PLXNA4: variants seen among roughly 807,000 people sequenced by gnomAD.
The protein encoded by PLXNA4 is plexin-A4.
A neutral mutation model predicts 191.8 loss-of-function variants in PLXNA4; 44 were observed. The ratio of observed to expected loss-of-function variants is 0.23; its 90% CI spans 0.18 to 0.29. The LOEUF (loss-of-function observed/expected upper bound fraction) is 0.29. Ranked by LOEUF, PLXNA4 falls within the 10% of genes least tolerant of loss-of-function variation. The pLI is 1.00. For synonymous variants in PLXNA4, 1,082 were observed against 1,009.5 expected, an observed-to-expected ratio of 1.07 and a Z score of -1.36; for missense variants, 1,800 against 2,488.8, an observed-to-expected ratio of 0.72 and a Z score of 5.89.
At chr7:132,268,466 G>A (rs535551475) in intron 4 of PLXNA4, among the ~76,000 whole-genome samples, 147 of 152,268 alleles carry the variant, frequency 9.7e-4, no homozygotes, top group African/African-American at 3.4e-3. Flanking sequence ...GTTTCACCAT[G>A]AGTTTGAAAT....
chr7:132,211,475 C>A (rs987991317), intron 9 of PLXNA4, among the ~76,000 whole-genome samples: 1 of 152,232 alleles, frequency 6.6e-6, no homozygotes, highest in African/African-American at 2.4e-5. Context: ...GCGGGCTAGG[C>A]CTCCCCTCCC....
chr7:132,399,699 T>C (rs769552176), intron 3 of PLXNA4, among the ~76,000 whole-genome samples: 1 of 152,214 alleles, frequency 6.6e-6, no homozygotes, highest in Non-Finnish European at 1.5e-5. Flanking sequence ...TTCAATGTAG[T>C]GGGTTCTGGC....
At chr7:132,132,949 ATG>A in intron 31 of PLXNA4, 98 bp downstream of exon 31, 1 of 1,496,842 alleles carries the variant, frequency 6.7e-7, no homozygotes, top group South Asian at 1.4e-5. Context: ...GCAGAGGTGG[ATG>A]TGTCTGTGGC....
intron 31 of PLXNA4, among the ~76,000 whole-genome samples, chr7:132,132,462 G>GCTCTA (rs1563048294): frequency 2.1e-3 from 98 of 46,432 alleles, no homozygotes; most frequent in Non-Finnish European, 2.6e-3. Context: ...GTTCTGTTCT[G>GCTCTA]TTCTGCTCTG....
chr7:132,217,897 C>CTT (rs138576612), intron 9 of PLXNA4, among the ~76,000 whole-genome samples: 11 of 43,436 alleles, frequency 2.5e-4, no homozygotes, highest in African/African-American at 4.9e-4. Flanking sequence ...GCTGGATTTG[C>CTT]TTTTTTTTTT....
intron 3 of PLXNA4, among the ~76,000 whole-genome samples, chr7:132,312,477 G>A (rs977699431): frequency 1.3e-5 from 2 of 151,910 alleles, no homozygotes; most frequent in African/African-American, 4.8e-5. Context: ...AGAGAGTCAG[G>A]GGATGGCACA....
chr7:132,249,325 T>G (rs1021625400), intron 4 of PLXNA4, among the ~76,000 whole-genome samples: 4 of 152,198 alleles, frequency 2.6e-5, no homozygotes, highest in South Asian at 2.1e-4. Context: ...AGGGCTGCAA[T>G]TTGTTGCTAT....
chr7:132,611,968 A>G (rs1803055199), intron 2 of PLXNA4, among the ~76,000 whole-genome samples: 1 of 152,198 alleles, frequency 6.6e-6, no homozygotes. Flanking sequence ...TGCCATCTTC[A>G]AGGTCACCTT....
intron 4 of PLXNA4, among the ~76,000 whole-genome samples, chr7:132,289,780 A>G (rs919555870): frequency 1.3e-5 from 2 of 151,236 alleles, no homozygotes; most frequent in African/African-American, 4.9e-5. Flanking sequence ...CAATTCTTCT[A>G]CCTTGGCCTC....
At chr7:132,412,047 C>T (rs1794477143) in intron 3 of PLXNA4, among the ~76,000 whole-genome samples, 1 of 152,116 alleles carries the variant, frequency 6.6e-6, no homozygotes, top group African/African-American at 2.4e-5. Flanking sequence ...CACTTCACAA[C>T]CCCCAGGTAG....
At chr7:132,477,808 G>GA (rs1797189507) in intron 3 of PLXNA4, among the ~76,000 whole-genome samples, 1 of 152,218 alleles carries the variant, frequency 6.6e-6, no homozygotes, top group African/African-American at 2.4e-5. Flanking sequence ...ATTCCTTTCA[G>GA]AAAAACATCT....
chr7:132,282,913 G>A (rs1800539494), intron 4 of PLXNA4, among the ~76,000 whole-genome samples: 1 of 151,996 alleles, frequency 6.6e-6, no homozygotes, highest in Non-Finnish European at 1.5e-5. Flanking sequence ...GTTTTGCTCT[G>A]TTACCTAGGC....
chr7:132,155,769 T>G lies in PLXNA4; in HGVS notation c.4660+3704A>C, dbSNP rs1795773464. 3.3e-5 allele frequency among the ~76,000 whole-genome samples: 5 copies of G among 152,192 alleles called. 1 individual carries two copies. On this transcript the variant is annotated intron_variant, in intron 25 of 31. Coordinates refer to ENST00000321063, the MANE Select transcript of PLXNA4 (RefSeq NM_020911.2). The stretch of plus-strand genomic sequence containing the variant: ...GGTTTCTGGGATAGTTAATTCTACG[T>G]GTCAACTTGGCTGGGCCACAGTACC...
chr7:132,424,018 C>T (rs1794946197), intron 3 of PLXNA4, among the ~76,000 whole-genome samples: 1 of 152,142 alleles, frequency 6.6e-6, no homozygotes, highest in South Asian at 2.1e-4. Flanking sequence ...CAGAACATGC[C>T]CTTTGCCTCT....
chr7:132,571,615 C>T (rs542903440), intron 1 of PLXNA4, among the ~76,000 whole-genome samples: 16 of 152,270 alleles, frequency 1.1e-4, no homozygotes, highest in Admixed American at 3.3e-4. Flanking sequence ...AGCAACCTGG[C>T]GCCTTGGACA....
rs545545843 is a variant in PLXNA4 at position 132,366,554 on chromosome 7, T to C, written c.1372-68332A>G. ...AAAAAAAAAGAGAGAGAGAATTAAA[T>C]AAGAAGTATTTCTTTCTCTTGGCTA... On this transcript the variant is annotated intron_variant, in intron 3 of 31. Coordinates refer to ENST00000321063, the MANE Select transcript of PLXNA4 (RefSeq NM_020911.2). Among the ~76,000 whole-genome samples, 2 of 152,156 alleles carry C rather than the reference T, an allele frequency of 1.3e-5. 1 individual carries two copies. The highest frequency in any genetic ancestry group is 4.2e-4 in the South Asian group (2 of 4,808).
intron 3 of PLXNA4, among the ~76,000 whole-genome samples, chr7:132,329,427 C>G (rs571289319): frequency 6.6e-6 from 1 of 152,140 alleles, no homozygotes; most frequent in Admixed American, 6.5e-5. Context: ...CTGTTTGTGC[C>G]CCCCAGGACT....
intron 3 of PLXNA4, among the ~76,000 whole-genome samples, chr7:132,481,897 G>A (rs900391578): frequency 3.5e-4 from 53 of 152,176 alleles, no homozygotes; most frequent in Admixed American, 2.6e-3. Flanking sequence ...TGGGTGTGGC[G>A]ACTGCTTCAC....
chr7:132,239,354 G>A (rs1013397475), intron 5 of PLXNA4, among the ~76,000 whole-genome samples: 8 of 152,282 alleles, frequency 5.3e-5, no homozygotes, highest in East Asian at 1.9e-4. Flanking sequence ...ACAGGGCTCC[G>A]TGCTCTGTGG....
Sources: gnomAD v4.1 joint callset for allele counts (sites outside exome capture counted in the v4.1 genomes callset) on GRCh38, gnomAD v4.1.1 for gene constraint, MANE v1.5 for transcripts, NCBI Gene and HGNC (gene_info 2026-07-23, HGNC 2026-07-21) for gene names.